Variants in DLG1 observed in about 807,000 individuals in gnomAD.
DLG1 encodes the protein discs large MAGUK scaffold protein 1.
Under a neutral mutation model 123.4 loss-of-function variants are expected in DLG1, and 42 were observed. That is an observed-to-expected ratio of 0.34 (90% CI 0.27 to 0.44). DLG1 has a LOEUF of 0.44. Ranked by LOEUF, DLG1 falls within the 20% of genes least tolerant of loss-of-function variation. The pLI, the probability that DLG1 is intolerant of heterozygous loss-of-function variation, is 1.00. For missense variants in DLG1, 942 were observed against 1,082.6 expected (o/e 0.87, Z 1.82); for synonymous variants, 317 against 356.2 (o/e 0.89, Z 1.24).
At chr3:197,174,482 T>C (rs1186719013) in intron 5 of DLG1, among the ~76,000 whole-genome samples, 1 of 152,230 alleles carries the variant, frequency 6.6e-6, no homozygotes, top group Non-Finnish European at 1.5e-5. Flanking sequence ...CTATACTGAA[T>C]ATAGCCTTCC....
intron 23 of DLG1, among the ~76,000 whole-genome samples, chr3:197,059,047 T>A (rs1178795552): frequency 6.6e-6 from 1 of 152,218 alleles, no homozygotes; most frequent in Non-Finnish European, 1.5e-5. Flanking sequence ...TGCCTCAGCA[T>A]CCCGAGTAGC....
intron 7 of DLG1, among the ~76,000 whole-genome samples, chr3:197,141,491 G>A (rs1357787887): frequency 6.6e-6 from 1 of 152,116 alleles, no homozygotes; most frequent in African/African-American, 2.4e-5. Flanking sequence ...CAAGTGATCC[G>A]AATTTAAGTA....
chr3:197,126,229 G>A (rs1042533878), intron 11 of DLG1, among the ~76,000 whole-genome samples: 9 of 151,994 alleles, frequency 5.9e-5, no homozygotes, highest in East Asian at 1.9e-4. Context: ...TAATCCCAGC[G>A]CTTTGGGAGG....
intron 11 of DLG1, among the ~76,000 whole-genome samples, chr3:197,121,581 T>C (rs1431335954): frequency 6.6e-6 from 1 of 152,066 alleles, no homozygotes; most frequent in East Asian, 1.9e-4. Context: ...AGACTTCTTT[T>C]TTTTCCTACT....
intron 9 of DLG1, among the ~76,000 whole-genome samples, chr3:197,138,003 A>G (rs1785980589): frequency 6.6e-6 from 1 of 152,050 alleles, no homozygotes. Context: ...CCGCAAAAAA[A>G]GGAACTTTTC....
chr3:197,047,458 A>T (rs2148661609), intron 24 of DLG1, among the ~76,000 whole-genome samples: 1 of 152,348 alleles, frequency 6.6e-6, no homozygotes, highest in East Asian at 1.9e-4. Context: ...CCTTACTGAT[A>T]CTCAGTGTGA....
At chr3:197,274,298 A>C (rs1247411701) in intron 4 of DLG1, among the ~76,000 whole-genome samples, 1 of 152,222 alleles carries the variant, frequency 6.6e-6, no homozygotes, top group Admixed American at 6.5e-5. Flanking sequence ...CCACACATTT[A>C]AGCCAACTCA....
intron 4 of DLG1, among the ~76,000 whole-genome samples, chr3:197,241,124 CAAAG>C (rs1249103266): frequency 6.6e-6 from 1 of 151,660 alleles, no homozygotes. Flanking sequence ...AAGTCAAAGA[CAAAG>C]AGAGGATCCT....
chr3:197,211,439 C>T (rs1218956939), intron 4 of DLG1, among the ~76,000 whole-genome samples: 3 of 146,196 alleles, frequency 2.1e-5, no homozygotes, highest in Admixed American at 6.9e-5. Flanking sequence ...AAAGCTAAAC[C>T]GCCACAATCA....
chr3:197,209,712 T>C (rs944372452), intron 4 of DLG1, among the ~76,000 whole-genome samples: 3 of 146,746 alleles, frequency 2.0e-5, no homozygotes, highest in African/African-American at 7.3e-5. Context: ...AGGTATCTAG[T>C]AAAATTCCTA....
intron 24 of DLG1, among the ~76,000 whole-genome samples, chr3:197,049,077 G>C (rs1725411119): frequency 1.3e-5 from 2 of 152,158 alleles, no homozygotes; most frequent in Non-Finnish European, 2.9e-5. Flanking sequence ...CCAGCACTCT[G>C]GGAGGCTGAA....
intron 23 of DLG1, among the ~76,000 whole-genome samples, chr3:197,052,230 G>A (rs1456948748): frequency 6.6e-6 from 1 of 152,116 alleles, no homozygotes; most frequent in Admixed American, 6.5e-5. Context: ...CAAGGCAGGT[G>A]GATCACTTGA....
intron 5 of DLG1, chr3:197,183,975 A>C (rs1245497547): frequency 2.1e-5 from 30 of 1,422,308 alleles, no homozygotes; most frequent in African/African-American, 2.9e-5. Flanking sequence ...ATTTCTTCCT[A>C]TGAAAGAGCT....
At chr3:197,245,976 T>C (rs373505587) in intron 4 of DLG1, among the ~76,000 whole-genome samples, 3 of 151,218 alleles carry the variant, frequency 2.0e-5, no homozygotes, top group Admixed American at 2.0e-4. Context: ...GTCTTGGCCC[T>C]TGCTACTGAT....
intron 13 of DLG1, among the ~76,000 whole-genome samples, chr3:197,107,804 C>CT (rs542696810): frequency 0.17 from 23,654 of 139,354 alleles, 1,959 homozygotes; most frequent in Middle Eastern, 0.19. Context: ...TTCTGGTAGC[C>CT]TTTTTTTTTT....
At chr3:197,053,948 C>T (rs1014681554) in intron 23 of DLG1, among the ~76,000 whole-genome samples, 6 of 151,634 alleles carry the variant, frequency 4.0e-5, no homozygotes, top group Non-Finnish European at 4.4e-5. Context: ...AAAAATTAGC[C>T]AGGCGTGGCG....
intron 4 of DLG1, among the ~76,000 whole-genome samples, chr3:197,209,014 T>A (rs1730022808): frequency 2.1e-5 from 3 of 145,594 alleles, no homozygotes; most frequent in Admixed American, 6.9e-5. Flanking sequence ...AGAAGTAATT[T>A]AGTATGTTAA....
At chr3:197,290,560 A>C (rs780338200) in intron 3 of DLG1, among the ~76,000 whole-genome samples, 6 of 152,174 alleles carry the variant, frequency 3.9e-5, no homozygotes, top group Non-Finnish European at 8.8e-5. Flanking sequence ...ACAAAACCTG[A>C]ATCTAATCAC....
Position 197,194,406 on chromosome 3 carries a change from T to C in DLG1, c.483+19A>G. On this transcript the variant is annotated intron_variant, in intron 5 of 24. Transcript: ENST00000667157. The stretch of plus-strand genomic sequence containing the variant: ...AGTAATATGTAATTCATAACAATAA[T>C]AAATAGATACTATCCTACCTTTATT... The C allele has an allele frequency of 2.0e-6, 3 of 1,487,346 alleles. No individual in the cohort carries two copies. Among genetic ancestry groups the C allele is most frequent in the Non-Finnish European group, 1.8e-6 (2 of 1,105,602 alleles). The allele number at this position is 1,487,346 out of a possible 1,614,324, so 92.1% of individuals were successfully genotyped here.
Sources: gnomAD v4.1 joint callset for allele counts (sites outside exome capture counted in the v4.1 genomes callset) on GRCh38, gnomAD v4.1.1 for gene constraint, MANE v1.5 for transcripts, NCBI Gene and HGNC (gene_info 2026-07-23, HGNC 2026-07-21) for gene names.